The following CSMD1 variants were observed in gnomAD, a reference collection of about 807,000 sequenced individuals.
CSMD1 encodes the protein CUB and Sushi multiple domains 1, also known as CUB and sushi domain-containing protein 1.
CSMD1 carries 213 observed loss-of-function variants against 417.5 expected under a neutral mutation model. That is an observed-to-expected ratio of 0.51 (90% CI 0.46 to 0.57). CSMD1 has a LOEUF of 0.57. Ranked by LOEUF, CSMD1 falls within the 20% of genes least tolerant of loss-of-function variation. CSMD1 has a pLI of 0.00. For synonymous variants in CSMD1, 2,862 were observed against 1,736.8 expected (o/e 1.65, Z -16.11); for missense variants, 6,923 against 4,529.7 (o/e 1.53, Z -15.17).
At chr8:3,220,635 A>T (rs1455058945) in intron 28 of CSMD1, among the ~76,000 whole-genome samples, 6 of 152,204 alleles carry the variant, frequency 3.9e-5, no homozygotes, top group African/African-American at 1.4e-4. Flanking sequence ...GTTCGAGAAC[A>T]GCCTGGCCAA....
intron 26 of CSMD1, among the ~76,000 whole-genome samples, chr8:3,283,688 G>A (rs923824582): frequency 1.6e-4 from 25 of 152,078 alleles, no homozygotes; most frequent in African/African-American, 5.8e-4. Flanking sequence ...CATTCCAGAA[G>A]GACACTCCCA....
rs115806245 is a variant in CSMD1, at chr8:4,099,358, T to C, written c.416-67259A>G. Reference sequence around the variant, plus strand: ...CCCATTTTCAACATCTGTTCAGTCATAAAATCTGGTAATCACGCCTCACCT... The same window carrying C: ...CCCATTTTCAACATCTGTTCAGTCACAAAATCTGGTAATCACGCCTCACCT... On this transcript the variant is annotated intron_variant, in intron 3 of 69. Coordinates refer to ENST00000635120, the MANE Select transcript of CSMD1 (RefSeq NM_033225.6). Among the ~76,000 whole-genome samples, 616 of 152,210 alleles carry C rather than the reference T, an allele frequency of 4.0e-3. 4 individuals carry two copies. Among genetic ancestry groups the C allele is most frequent in the African/African-American group, 0.013 (549 of 41,526 alleles).
chr8:4,102,907 G>C (rs1801379322), intron 3 of CSMD1, among the ~76,000 whole-genome samples: 1 of 152,142 alleles, frequency 6.6e-6, no homozygotes, highest in Non-Finnish European at 1.5e-5. Flanking sequence ...GCAAAGTGCT[G>C]AGTGCTGGAG....
intron 3 of CSMD1, among the ~76,000 whole-genome samples, chr8:4,363,819 G>C (rs942049885): frequency 2.6e-5 from 4 of 152,054 alleles, no homozygotes; most frequent in African/African-American, 4.8e-5. Context: ...TTCATCACAT[G>C]TTCTCACTTA....
chr8:4,705,163 C>T (rs1403858194), intron 1 of CSMD1, among the ~76,000 whole-genome samples: 1 of 152,128 alleles, frequency 6.6e-6, no homozygotes, highest in East Asian at 1.9e-4. Flanking sequence ...TTCCCCTTCA[C>T]CATAATTGTA....
chr8:4,702,989 G>T (rs1389462458), intron 1 of CSMD1, among the ~76,000 whole-genome samples: 1 of 152,018 alleles, frequency 6.6e-6, no homozygotes, highest in Non-Finnish European at 1.5e-5. Context: ...TCTCAAAAAA[G>T]AATGATTATT....
rs1291141037 is a variant in CSMD1, at chr8:3,868,316, C to T, written c.819-114274G>A. Among the ~76,000 whole-genome samples, 4 of 152,038 alleles carry T rather than the reference C, an allele frequency of 2.6e-5. 1 individual carries two copies. The highest frequency in any genetic ancestry group is 4.8e-5 in the African/African-American group (2 of 41,390). The stretch of plus-strand genomic sequence containing the variant: ...CTGCTTGCAGGAGAGATTTCATTTT[C>T]ACCCGGAGACATTTATTTTTTGCCT... On this transcript the variant is annotated intron_variant, in intron 5 of 69. Transcript: ENST00000635120.
At chr8:3,762,966 C>T in intron 5 of CSMD1, among the ~76,000 whole-genome samples, 1 of 152,308 alleles carries the variant, frequency 6.6e-6, no homozygotes, top group Admixed American at 6.5e-5. Flanking sequence ...CAACTCTCTT[C>T]AGATCTCACC....
intron 26 of CSMD1, among the ~76,000 whole-genome samples, chr8:3,268,287 CTATTTTTTTTTTTTT>C (rs954506300): frequency 2.6e-5 from 3 of 114,664 alleles, no homozygotes; most frequent in Admixed American, 1.0e-4. Flanking sequence ...GGTTCATTTC[CTATTTTTTTTTTTTT>C]TTTTTTTTTT....
At position 4,702,832 on chromosome 8, in the gene CSMD1, T is replaced by C. The variant is rs189892737; in HGVS notation, c.86-65274A>G. On this transcript the variant is annotated intron_variant, in intron 1 of 69. Transcript: ENST00000635120. ...CGGGATTCATCATATCTTCTCTTTG[T>C]CTTAGTTCTTTAATGGATAACATTA... is the stretch of plus-strand genomic sequence containing the variant. Among the ~76,000 whole-genome samples the C allele has an allele frequency of 4.3e-4, 65 of 152,288 alleles. 1 individual carries two copies. The highest frequency in any genetic ancestry group is 7.5e-4 in the Non-Finnish European group (51 of 68,024).
At chr8:3,904,029 A>G (rs1807946165) in intron 5 of CSMD1, among the ~76,000 whole-genome samples, 1 of 152,078 alleles carries the variant, frequency 6.6e-6, no homozygotes, top group Non-Finnish European at 1.5e-5. Flanking sequence ...AGGTGGGTCT[A>G]ATGTCACTTC....
intron 9 of CSMD1, among the ~76,000 whole-genome samples, chr8:3,583,794 G>A (rs998120498): frequency 6.6e-6 from 1 of 152,042 alleles, no homozygotes; most frequent in Non-Finnish European, 1.5e-5. Flanking sequence ...TGAAACCTCA[G>A]AGTGACTGTA....
At chr8:3,683,944 G>C (rs1266413319) in intron 7 of CSMD1, among the ~76,000 whole-genome samples, 1 of 151,658 alleles carries the variant, frequency 6.6e-6, no homozygotes, top group African/African-American at 2.4e-5. Context: ...GCAAATTTAG[G>C]ACAATGCACA....
chr8:3,616,627 A>G (rs552861206), intron 8 of CSMD1, 83 bp downstream of exon 8: 3 of 872,242 alleles, frequency 3.4e-6, no homozygotes, highest in Admixed American at 2.1e-5. Flanking sequence ...CAAAAGAACA[A>G]AAGAGTTAAA....
chr8:3,836,643 T>A lies in CSMD1; in HGVS notation c.819-82601A>T, dbSNP rs1802726047. 4.6e-5 allele frequency among the ~76,000 whole-genome samples: 7 copies of A among 152,268 alleles called. No homozygotes were observed. The South Asian group carries it at 1.2e-3, about 27-fold the overall frequency. ...TATTTGACCTGAATCAAATTACACA[T>A]TCACAACATGAGACACGTGAGTTCC... On this transcript the variant is annotated intron_variant, in intron 5 of 69. Coordinates refer to ENST00000635120, the MANE Select transcript of CSMD1 (RefSeq NM_033225.6).
intron 5 of CSMD1, among the ~76,000 whole-genome samples, chr8:3,900,115 TAGCTGGGTGACACTGC>T (rs1267406823): frequency 1.3e-5 from 2 of 151,682 alleles, no homozygotes; most frequent in Admixed American, 6.6e-5. Context: ...GTTGGCACTG[TAGCTGGGTGACACTGC>T]AGCTGGGTGA....
chr8:4,837,157 CACTA>C lies in CSMD1; in HGVS notation c.85+157171_85+157174del, dbSNP rs537071158. Among the ~76,000 whole-genome samples the C allele has an allele frequency of 3.9e-3, 596 of 152,158 alleles. 2 individuals are homozygous for C. Among genetic ancestry groups the C allele is most frequent in the Non-Finnish European group, 6.5e-3 (439 of 68,018 alleles). On this transcript the variant is annotated intron_variant, in intron 1 of 69. Transcript: ENST00000635120. ...TAATGTTATGTCTAAATTGAAAAGACACTAACACATGCGGGTGAGGATGGGGAGA... is the reference window on the plus strand; with the variant it reads ...TAATGTTATGTCTAAATTGAAAAGACACACATGCGGGTGAGGATGGGGAGA...
intron 19 of CSMD1, among the ~76,000 whole-genome samples, chr8:3,367,986 T>C (rs551021109): frequency 1.3e-5 from 2 of 152,194 alleles, no homozygotes; most frequent in South Asian, 2.1e-4. Flanking sequence ...AAAAACTTCC[T>C]TAAAAATGTA....
At chr8:3,105,091 T>A (rs1816039503) in intron 46 of CSMD1, among the ~76,000 whole-genome samples, 1 of 152,224 alleles carries the variant, frequency 6.6e-6, no homozygotes, top group Non-Finnish European at 1.5e-5. Flanking sequence ...CAAAGAAAAC[T>A]TCCATTTACA....
Sources: gnomAD v4.1 joint callset for allele counts (sites outside exome capture counted in the v4.1 genomes callset) on GRCh38, gnomAD v4.1.1 for gene constraint, MANE v1.5 for transcripts, NCBI Gene and HGNC (gene_info 2026-07-23, HGNC 2026-07-21) for gene names.